Variants in PLD3 observed in about 807,000 individuals in gnomAD.
The protein encoded by PLD3 is 5'-3' exonuclease PLD3.
PLD3 carries 31 observed loss-of-function variants against 58.4 expected under a neutral mutation model. That is an observed-to-expected ratio of 0.53 (90% CI 0.40 to 0.72). The LOEUF is 0.72. Ranked by LOEUF, PLD3 falls within the 30% of genes least tolerant of loss-of-function variation. The probability of loss-of-function intolerance (pLI) is 0.00; values close to 1 mark genes in which losing one functional copy is unlikely to be tolerated. For synonymous variants in PLD3, 264 were observed against 273.4 expected, an observed-to-expected ratio of 0.97 and a Z score of 0.34; for missense variants, 595 against 659.8, an observed-to-expected ratio of 0.90 and a Z score of 1.08.
intron 1 of PLD3, chr19:40,365,475 C>G (rs1351802850): frequency 2.0e-5 from 3 of 152,216 alleles, no homozygotes; most frequent in South Asian, 4.1e-4. Context: ...TTTCTTCATT[C>G]TGTTATTCAA....
chr19:40,373,614 A>G (rs2079120655), intron 9 of PLD3, among the ~76,000 whole-genome samples: 1 of 147,846 alleles, frequency 6.8e-6, no homozygotes. Flanking sequence ...GGAGCGGGGG[A>G]ACTGGGAAGA....
At chr19:40,351,844 C>T (rs996086440) in intron 1 of PLD3, among the ~76,000 whole-genome samples, 4 of 152,168 alleles carry the variant, frequency 2.6e-5, no homozygotes, top group African/African-American at 9.7e-5. Flanking sequence ...AGCCATCACC[C>T]TGAGCTGTGG....
rs900664947 is a variant in PLD3 at position 40,370,249 on chromosome 19, C to A, written c.678+12C>A. On this transcript the variant is annotated intron_variant, in intron 8 of 12. Coordinates refer to ENST00000409735, the MANE Select transcript of PLD3 (RefSeq NM_012268.4). ...GTTCACTGACCCAGGTCTGTCTGCA[C>A]CCTGTCTACCTTCCTTCCAGGCCAC... The A allele has an allele frequency of 3.1e-6, 5 of 1,607,678 alleles. No individual in the cohort carries two copies. The highest frequency in any genetic ancestry group is 1.3e-5 in the African/African-American group (1 of 74,760).
At chr19:40,371,919 G>T in intron 9 of PLD3, 46 bp downstream of exon 9, 1 of 1,452,166 alleles carries the variant, frequency 6.9e-7, no homozygotes, top group Non-Finnish European at 9.7e-7. Flanking sequence ...GCCCCATGCC[G>T]TCACTCACAG....
chr19:40,371,909 GCC>G, intron 9 of PLD3, 36 bp downstream of exon 9: 1 of 1,532,922 alleles, frequency 6.5e-7, no homozygotes. Context: ...TCATGTCCCA[GCC>G]CCATGCCGTC....
chr19:40,371,471 A>G (rs2079065690), intron 8 of PLD3: 1 of 583,484 alleles, frequency 1.7e-6, no homozygotes, highest in Non-Finnish European at 3.1e-6. Flanking sequence ...CAGATTGCAA[A>G]CGTTCAGGAA....
chr19:40,367,798 G>C lies in PLD3; in HGVS notation c.348G>C (p.Ala116=). The C allele has an allele frequency of 6.2e-7, 1 of 1,610,034 alleles. No homozygotes were observed. The highest frequency in any genetic ancestry group is 8.5e-7 in the Non-Finnish European group (1 of 1,178,526). The change falls in exon 6 of 13, where the codon GCG becomes GCC. Residue 116 remains alanine, a synonymous_variant. Transcript: ENST00000409735. ...SQAWLGLLAG[A]HSSLDIASFY... ...CCTGGCTGGGCCTGCTCGCCGGTGC[G>C]CACAGCAGCCTGGACATCGCCTCCT... is the stretch of plus-strand genomic sequence containing the variant.
intron 1 of PLD3, chr19:40,357,979 T>A (rs900445400): frequency 2.6e-5 from 4 of 152,178 alleles, no homozygotes; most frequent in Non-Finnish European, 4.4e-5. Flanking sequence ...TTTTCCCAGT[T>A]CCACAGAGCT....
chr19:40,376,199 T>C (rs1377937736), intron 10 of PLD3: 4 of 162,014 alleles, frequency 2.5e-5, no homozygotes, highest in Non-Finnish European at 5.4e-5. Flanking sequence ...CTACTAAAAA[T>C]ACAAAATTAG....
intron 1 of PLD3, among the ~76,000 whole-genome samples, chr19:40,349,987 G>A (rs1201743242): frequency 1.4e-5 from 2 of 147,472 alleles, no homozygotes; most frequent in African/African-American, 2.5e-5. Context: ...TAGGCCAGGC[G>A]CGGTGGCTCA....
Position 40,350,743 on chromosome 19 carries a change from CAAA to C in PLD3, c.-279+1989_-279+1991del, listed in dbSNP as rs200435356. Among the ~76,000 whole-genome samples, 3 of 99,680 alleles carry C rather than the reference CAAA, an allele frequency of 3.0e-5. No homozygotes were observed. In the East Asian group the frequency reaches 8.7e-4, roughly 29 times the overall value. 65.4% of individuals were successfully genotyped at this position (99,680 alleles called of 152,430 possible). On this transcript the variant is annotated intron_variant, in intron 1 of 12. Coordinates refer to ENST00000409735, the MANE Select transcript of PLD3 (RefSeq NM_012268.4). ...TGGGTGACAGAGTGAGACCCCATCT[CAAA>C]AAAAAAAAAAAAATCTGGCCTTATG...
intron 1 of PLD3, among the ~76,000 whole-genome samples, chr19:40,352,327 G>A (rs1486792360): frequency 1.3e-5 from 2 of 152,100 alleles, no homozygotes; most frequent in Non-Finnish European, 2.9e-5. Flanking sequence ...AAATGCTAAC[G>A]GAATTTTTGA....
At chr19:40,351,369 C>T (rs1440266967) in intron 1 of PLD3, among the ~76,000 whole-genome samples, 1 of 152,054 alleles carries the variant, frequency 6.6e-6, no homozygotes, top group Non-Finnish European at 1.5e-5. Flanking sequence ...CATGGTGAAA[C>T]CTCGTCTCTA....
rs1335629888 is a variant in PLD3 at position 40,369,982 on chromosome 19, C to A, written c.504C>A (p.Pro168=). The change falls in exon 7 of 13, where the codon CCC becomes CCA. Residue 168 remains proline, a synonymous_variant. Transcript: ENST00000409735. The part of the protein sequence containing the change: ...GVNVRIAVSK[P]SGPQPQADLQ... ...ACGTCCGCATCGCTGTGAGCAAGCCCAGCGGGCCCCAGCCACAGGCGGACC... is the reference window on the plus strand; with the variant it reads ...ACGTCCGCATCGCTGTGAGCAAGCCAAGCGGGCCCCAGCCACAGGCGGACC... 6.4e-7 allele frequency: 1 copy of A among 1,559,318 alleles called. No homozygotes were observed. Among genetic ancestry groups the A allele is most frequent in the South Asian group, 1.2e-5 (1 of 85,036 alleles).
At chr19:40,369,673 G>C (rs1482742031) in intron 6 of PLD3, among the ~76,000 whole-genome samples, 1 of 152,224 alleles carries the variant, frequency 6.6e-6, no homozygotes, top group Non-Finnish European at 1.5e-5. Context: ...GGCAGGAGGG[G>C]TCAGGAGGAC....
chr19:40,364,009 C>T (rs1190761475), intron 1 of PLD3, among the ~76,000 whole-genome samples: 1 of 152,154 alleles, frequency 6.6e-6, no homozygotes, highest in African/African-American at 2.4e-5. Context: ...TCTCAACCTA[C>T]ACCGAGATAT....
Position 40,366,840 on chromosome 19 carries a change from T to G in PLD3, c.170T>G (p.Leu57Arg). 6.2e-7 allele frequency: 1 copy of G among 1,614,042 alleles called. No homozygotes were observed. Among genetic ancestry groups the G allele is most frequent in the Non-Finnish European group, 8.5e-7 (1 of 1,179,968 alleles). Residue 57 changes from leucine to arginine, a missense_variant, in exon 5 of 13, where the codon CTG becomes CGG. Leu to Arg is a moderately radical substitution (Grantham distance 102). Coordinates refer to ENST00000409735, the MANE Select transcript of PLD3 (RefSeq NM_012268.4). ...VVGFGALMTQ[L>R]FLWEYGDLHL... is the part of the protein sequence containing the mutation. ...GGCTTCGGAGCCCTGATGACTCAGC[T>G]GTTTCTATGGGAATACGGCGACTTG... is the stretch of plus-strand genomic sequence containing the variant.
At chr19:40,367,931 G>A (rs2078970280) in intron 6 of PLD3, 52 bp downstream of exon 6, 44 of 1,456,390 alleles carry the variant, frequency 3.0e-5, no homozygotes, top group Non-Finnish European at 4.0e-5. Flanking sequence ...GTGGGAGGCA[G>A]CGGGGGCTGT....
chr19:40,374,403 G>A (rs963843196), intron 9 of PLD3, 78 bp from the exon 10 acceptor site: 2 of 1,513,716 alleles, frequency 1.3e-6, no homozygotes, highest in African/African-American at 2.7e-5. Flanking sequence ...CTGGCTTGTG[G>A]TGAGCTGTCC....
Sources: allele counts gnomAD v4.1 joint callset (sites outside exome capture counted in the v4.1 genomes callset), GRCh38; gene constraint gnomAD v4.1.1; transcripts MANE v1.5; gene names NCBI Gene and HGNC (gene_info 2026-07-23, HGNC 2026-07-21).